The following CSMD1 variants were observed in gnomAD, a reference collection of about 807,000 sequenced individuals.
CSMD1 encodes CUB and sushi domain-containing protein 1.
In CSMD1, 213 loss-of-function variants were observed where a neutral mutation model predicts 417.5. That is an observed-to-expected ratio of 0.51 (90% CI 0.46 to 0.57). The LOEUF (loss-of-function observed/expected upper bound fraction) is 0.57, where lower values mean the gene tolerates loss of function less well. CSMD1 is among the 20% of genes least tolerant of loss of function. CSMD1 has a pLI of 0.00. For missense variants in CSMD1, 6,923 were observed against 4,529.7 expected (o/e 1.53, Z -15.17); for synonymous variants, 2,862 against 1,736.8 (o/e 1.65, Z -16.11).
chr8:4,932,611 C>G (rs1276189002), intron 1 of CSMD1, among the ~76,000 whole-genome samples: 1 of 152,164 alleles, frequency 6.6e-6, no homozygotes, highest in Non-Finnish European at 1.5e-5. Context: ...ATAGACCCAA[C>G]AGGGTAGCAA....
chr8:3,333,893 A>G (rs1807068219), intron 23 of CSMD1, among the ~76,000 whole-genome samples: 1 of 152,230 alleles, frequency 6.6e-6, no homozygotes, highest in Non-Finnish European at 1.5e-5. Context: ...AATGTCTGGG[A>G]AATCTGTGAG....
intron 2 of CSMD1, among the ~76,000 whole-genome samples, chr8:4,531,476 T>C (rs1796815096): frequency 2.0e-5 from 3 of 152,154 alleles, no homozygotes; most frequent in Admixed American, 2.0e-4. Context: ...TGGCTTTGTT[T>C]TTGTCATCCC....
intron 6 of CSMD1, among the ~76,000 whole-genome samples, chr8:3,749,059 G>A (rs891047488): frequency 6.6e-6 from 1 of 152,182 alleles, no homozygotes; most frequent in African/African-American, 2.4e-5. Flanking sequence ...CCAACACTTA[G>A]ATGACTATTT....
chr8:2,962,809 G>T (rs1038428990), intron 60 of CSMD1, among the ~76,000 whole-genome samples, 170 bp from the exon 61 acceptor site: 1 of 152,306 alleles, frequency 6.6e-6, no homozygotes, highest in Admixed American at 6.5e-5. Flanking sequence ...AACACTTTGG[G>T]AGGCAGAGGC....
At chr8:4,075,980 G>C (rs866684228) in intron 3 of CSMD1, among the ~76,000 whole-genome samples, 1 of 152,076 alleles carries the variant, frequency 6.6e-6, no homozygotes, top group South Asian at 2.1e-4. Flanking sequence ...ACATAGAATT[G>C]TTTCTTTCTC....
intron 4 of CSMD1, among the ~76,000 whole-genome samples, chr8:4,017,467 C>A (rs905718647): frequency 2.5e-4 from 38 of 152,106 alleles, no homozygotes; most frequent in Non-Finnish European, 4.4e-4. Flanking sequence ...CCAGCATTCC[C>A]AGCTAATTTT....
intron 10 of CSMD1, among the ~76,000 whole-genome samples, chr8:3,511,230 G>C (rs12548616): frequency 0.22 from 33,750 of 151,470 alleles, 4,706 homozygotes; most frequent in Middle Eastern, 0.34. Context: ...GGGCCTGTTG[G>C]GGGGTGAGAG....
intron 54 of CSMD1, among the ~76,000 whole-genome samples, chr8:2,982,079 G>A (rs2128940206): frequency 6.6e-6 from 1 of 152,268 alleles, no homozygotes; most frequent in South Asian, 2.1e-4. Context: ...TAACAGGCCA[G>A]GTGCGGTGGC....
intron 6 of CSMD1, among the ~76,000 whole-genome samples, chr8:3,712,150 G>C (rs1563299516): frequency 1.0e-5 from 1 of 96,814 alleles, no homozygotes; most frequent in Non-Finnish European, 2.4e-5. Flanking sequence ...GTTGTAATTT[G>C]TTTCAAGTTA....
At chr8:4,377,600 T>C (rs948224264) in intron 3 of CSMD1, among the ~76,000 whole-genome samples, 2 of 152,196 alleles carry the variant, frequency 1.3e-5, no homozygotes, top group Non-Finnish European at 2.9e-5. Context: ...TCTCAAAGCC[T>C]CAATTTTATG....
At chr8:3,262,230 T>TATATATAC (rs770901446) in intron 26 of CSMD1, among the ~76,000 whole-genome samples, 13 of 95,676 alleles carry the variant, frequency 1.4e-4, no homozygotes, top group Non-Finnish European at 1.8e-4. Context: ...TATATATATA[T>TATATATAC]ACACACACAT....
At chr8:4,914,084 A>G (rs981841286) in intron 1 of CSMD1, among the ~76,000 whole-genome samples, 1 of 152,176 alleles carries the variant, frequency 6.6e-6, no homozygotes, top group African/African-American at 2.4e-5. Context: ...CTCAGAGAGG[A>G]AGATTTTACA....
At chr8:3,415,920 G>C (rs916409036) in intron 12 of CSMD1, among the ~76,000 whole-genome samples, 1 of 152,146 alleles carries the variant, frequency 6.6e-6, no homozygotes, top group African/African-American at 2.4e-5. Context: ...AGAAGATTTT[G>C]AGTTGCATAT....
chr8:2,943,341 C>A (rs186361661), intron 68 of CSMD1, among the ~76,000 whole-genome samples: 1 of 151,964 alleles, frequency 6.6e-6, no homozygotes, highest in East Asian at 1.9e-4. Context: ...GATTCTCCTG[C>A]CTCAGCCTCC....
chr8:4,843,379 C>G (rs201956229), intron 1 of CSMD1, among the ~76,000 whole-genome samples: 7 of 152,106 alleles, frequency 4.6e-5, no homozygotes, highest in African/African-American at 1.7e-4. Context: ...ATGATTACGA[C>G]CTTAAGAACC....
chr8:4,660,750 T>C (rs959776966), intron 1 of CSMD1, among the ~76,000 whole-genome samples: 1 of 151,966 alleles, frequency 6.6e-6, no homozygotes, highest in African/African-American at 2.4e-5. Context: ...ACATCTCTAA[T>C]CTATAAAGAA....
chr8:4,635,935 T>G (rs1318886727), intron 2 of CSMD1, among the ~76,000 whole-genome samples: 1 of 151,974 alleles, frequency 6.6e-6, no homozygotes, highest in East Asian at 1.9e-4. Context: ...TAATAGATAT[T>G]GTAGATGACT....
chr8:4,334,674 C>G lies in CSMD1; in HGVS notation c.415+85279G>C, dbSNP rs531938420. ...TCTATGGTTAGAGAAGCTGTAAATCCTCAAAGCCTATACTGCCCAATTCTT... is the reference window on the plus strand; with the variant it reads ...TCTATGGTTAGAGAAGCTGTAAATCGTCAAAGCCTATACTGCCCAATTCTT... On this transcript the variant is annotated intron_variant, in intron 3 of 69. Transcript: ENST00000635120. Among the ~76,000 whole-genome samples, 13 of 152,172 alleles carry G rather than the reference C, an allele frequency of 8.5e-5. No individual in the cohort carries two copies. The South Asian group carries it at 2.7e-3, about 32-fold the overall frequency.
intron 1 of CSMD1, among the ~76,000 whole-genome samples, chr8:4,984,745 G>A (rs1354023263): frequency 2.0e-5 from 3 of 152,156 alleles, no homozygotes; most frequent in East Asian, 1.9e-4. Flanking sequence ...CCTGCAGCAA[G>A]GAGGATGAAC....
Sources: gnomAD v4.1 joint callset for allele counts (sites outside exome capture counted in the v4.1 genomes callset) on GRCh38, gnomAD v4.1.1 for gene constraint, MANE v1.5 for transcripts, NCBI Gene and HGNC (gene_info 2026-07-23, HGNC 2026-07-21) for gene names.